MAP3K13: variants seen among roughly 807,000 people sequenced by gnomAD.
The protein encoded by MAP3K13 is mitogen-activated protein kinase kinase kinase 13, also known as leucine zipper-bearing kinase.
MAP3K13 carries 52 observed loss-of-function variants against 104.0 expected under a neutral mutation model. That is an observed-to-expected ratio of 0.50 (90% CI 0.40 to 0.63). MAP3K13 has a LOEUF of 0.63. MAP3K13 is among the 20% of genes least tolerant of loss of function. The pLI is 0.00. For missense variants in MAP3K13, 914 were observed against 1,218.5 expected (o/e 0.75, Z 3.72); for synonymous variants, 394 against 442.2 (o/e 0.89, Z 1.37).
chr3:185,343,526 C>T (rs1221937924), intron 2 of MAP3K13, among the ~76,000 whole-genome samples: 2 of 152,112 alleles, frequency 1.3e-5, no homozygotes, highest in Non-Finnish European at 2.9e-5. Flanking sequence ...GATCTTGGGT[C>T]ACTGCAACCT....
chr3:185,305,088 A>C (rs1268928193), intron 2 of MAP3K13, among the ~76,000 whole-genome samples: 3 of 152,070 alleles, frequency 2.0e-5, no homozygotes, highest in Admixed American at 6.5e-5. Flanking sequence ...TTTGATTGAG[A>C]GTTCTGTTTA....
intron 2 of MAP3K13, among the ~76,000 whole-genome samples, chr3:185,332,471 G>A (rs530258147): frequency 3.6e-4 from 55 of 152,244 alleles, no homozygotes; most frequent in South Asian, 3.3e-3. Flanking sequence ...GTATATTCAC[G>A]TTCTTGTGCA....
intron 1 of MAP3K13, among the ~76,000 whole-genome samples, chr3:185,411,378 T>A (rs1458791069): frequency 6.6e-6 from 1 of 152,214 alleles, no homozygotes; most frequent in Non-Finnish European, 1.5e-5. Context: ...CTTATTACTG[T>A]TATTTTGCAC....
intron 4 of MAP3K13, among the ~76,000 whole-genome samples, chr3:185,447,494 CAAAAAAAAAAAAAA>C (rs1178155454): frequency 0.013 from 376 of 28,430 alleles, 7 homozygotes; most frequent in African/African-American, 0.044. Context: ...AACTCTGTCT[CAAAAAAAAAAAAAA>C]AAAAAAAAAA....
At chr3:185,451,490 TA>T in intron 7 of MAP3K13, 95 bp downstream of exon 7, 1 of 777,584 alleles carries the variant, frequency 1.3e-6, no homozygotes, top group Non-Finnish European at 2.3e-6. Context: ...GTGTTTGTTA[TA>T]ATAGTTATAT....
At chr3:185,320,737 G>A (rs2108694127) in intron 2 of MAP3K13, among the ~76,000 whole-genome samples, 1 of 152,316 alleles carries the variant, frequency 6.6e-6, no homozygotes, top group South Asian at 2.1e-4. Context: ...TGGAAAATAT[G>A]AGAGCAAAGA....
At chr3:185,329,334 G>T in intron 2 of MAP3K13, 1 of 682,052 alleles carries the variant, frequency 1.5e-6, no homozygotes, top group South Asian at 1.5e-5. Flanking sequence ...TTTTCCTCTG[G>T]TTTAGATTCA....
intron 1 of MAP3K13, among the ~76,000 whole-genome samples, chr3:185,376,132 G>A (rs1724417083): frequency 6.6e-6 from 1 of 152,154 alleles, no homozygotes; most frequent in African/African-American, 2.4e-5. Context: ...AAATGGAGTG[G>A]ATGTCAGGTG....
intron 2 of MAP3K13, among the ~76,000 whole-genome samples, chr3:185,433,304 A>T (rs975442102): frequency 1.3e-5 from 2 of 152,212 alleles, no homozygotes; most frequent in Non-Finnish European, 2.9e-5. Flanking sequence ...GATCATAGTC[A>T]TTGGGAAGAT....
At chr3:185,468,277 A>T (rs1717577317) in intron 10 of MAP3K13, among the ~76,000 whole-genome samples, 1 of 152,222 alleles carries the variant, frequency 6.6e-6, no homozygotes, top group Admixed American at 6.5e-5. Flanking sequence ...GTACCCTAGC[A>T]TGGGAGTTTT....
chr3:185,455,343 T>TATATATGATATATATGAG lies in MAP3K13; in HGVS notation c.1278+3963_1278+3964insGAGATATATGATATATAT, dbSNP rs1295178781. Among the ~76,000 whole-genome samples, 17 of 80,786 alleles carry TATATATGATATATATGAG rather than the reference T, an allele frequency of 2.1e-4. 1 individual carries two copies. The highest frequency in any genetic ancestry group is 3.8e-4 in the Non-Finnish European group (15 of 39,654). The allele number at this position is 80,786 out of a possible 152,430, so 53.0% of individuals were successfully genotyped here. A position where few individuals can be genotyped will look rare whatever the true frequency, so the allele number is the denominator to read the frequency against. On this transcript the variant is annotated intron_variant, in intron 7 of 13. Coordinates refer to ENST00000265026, the MANE Select transcript of MAP3K13 (RefSeq NM_004721.5). ...TGAGATATATATGATATATATGAGA[T>TATATATGATATATATGAG]ATATATGATATATATATGAGATATA...
intron 1 of MAP3K13, among the ~76,000 whole-genome samples, chr3:185,405,672 C>T (rs909333045): frequency 6.6e-6 from 1 of 152,192 alleles, no homozygotes; most frequent in Non-Finnish European, 1.5e-5. Flanking sequence ...CACTTTCTTG[C>T]TCAAATGTCT....
chr3:185,427,351 G>A lies in MAP3K13; in HGVS notation c.-85-1146G>A, dbSNP rs150387275. ...TGTACTCCAGTCTAGGTGACAGAGC[G>A]AGACTCTGTCTCAAAAAAAAGAAAA... On this transcript the variant is annotated intron_variant, in intron 1 of 13. Coordinates refer to ENST00000265026, the MANE Select transcript of MAP3K13 (RefSeq NM_004721.5). Among the ~76,000 whole-genome samples the A allele has an allele frequency of 3.8e-3, 584 of 151,948 alleles. 4 individuals are homozygous for A. The highest frequency in any genetic ancestry group is 0.013 in the African/African-American group (533 of 41,428).
At chr3:185,434,886 A>T (rs908067332) in intron 2 of MAP3K13, among the ~76,000 whole-genome samples, 4 of 152,174 alleles carry the variant, frequency 2.6e-5, no homozygotes, top group Admixed American at 2.0e-4. Flanking sequence ...CTGTTCAAAG[A>T]CGTACTGCTC....
intron 2 of MAP3K13, chr3:185,291,903 C>CA (rs139816082): frequency 0.062 from 54,748 of 886,740 alleles, 80 homozygotes; most frequent in African/African-American, 0.082. Context: ...CAGTGCTTTC[C>CA]AAAAAAAAAA....
At position 185,465,733 on chromosome 3, in the gene MAP3K13, G is replaced by A; in HGVS notation, c.1389-14G>A. 1 of 1,603,508 alleles carries A rather than the reference G, an allele frequency of 6.2e-7. No individual in the cohort carries two copies. On this transcript the variant is annotated splice_polypyrimidine_tract_variant and intron_variant, in intron 8 of 13. Transcript: ENST00000265026. ...AGTTGGTTGGCTGGGCTGACCCTGT[G>A]TTTTCTCTGACAGGCATGCGCTGGA...
chr3:185,398,192 C>A (rs1340912155), intron 1 of MAP3K13, among the ~76,000 whole-genome samples: 1 of 152,062 alleles, frequency 6.6e-6, no homozygotes, highest in Non-Finnish European at 1.5e-5. Flanking sequence ...GCTGTCTGTT[C>A]TGAGAAATAA....
chr3:185,333,465 T>C (rs77308700), intron 2 of MAP3K13, among the ~76,000 whole-genome samples: 1 of 152,326 alleles, frequency 6.6e-6, no homozygotes, highest in African/African-American at 2.4e-5. Context: ...GATGACATGA[T>C]TGTATGCATA....
In MAP3K13 at chr3:185,418,071, G is replaced by C; in HGVS notation, c.-85-10426G>C. On this transcript the variant is annotated intron_variant, in intron 1 of 13. Coordinates refer to ENST00000265026, the MANE Select transcript of MAP3K13 (RefSeq NM_004721.5). This position sits in a 1 kb window ranked among gnomAD's most constrained non-coding sequence, Gnocchi z 4.5. ...GCCCACCAGGAGCAAGCTTCAAAAT[G>C]TTCAGCTTGCTTACATTAAGCAGAG... 2 of 1,611,778 alleles carry C rather than the reference G, an allele frequency of 1.2e-6. No individual in the cohort carries two copies. Among genetic ancestry groups the C allele is most frequent in the Non-Finnish European group, 1.7e-6 (2 of 1,179,632 alleles).
Sources: allele counts gnomAD v4.1 joint callset (sites outside exome capture counted in the v4.1 genomes callset), GRCh38; gene constraint gnomAD v4.1.1; non-coding constraint Gnocchi (gnomAD v3.1); transcripts MANE v1.5; gene names NCBI Gene and HGNC (gene_info 2026-07-23, HGNC 2026-07-21).